PEX26: variants seen among roughly 807,000 people sequenced by gnomAD.
PEX26 encodes peroxisomal biogenesis factor 26.
PEX26 carries 18 observed loss-of-function variants against 31.4 expected under a neutral mutation model. The ratio of observed to expected loss-of-function variants is 0.57; its 90% CI spans 0.40 to 0.85. The LOEUF (loss-of-function observed/expected upper bound fraction) is 0.85. PEX26 is among the 40% of genes least tolerant of loss of function. The pLI is 0.00. For synonymous variants in PEX26, 176 were observed against 166.9 expected, an observed-to-expected ratio of 1.05 and a Z score of -0.42; for missense variants, 377 against 383.9, an observed-to-expected ratio of 0.98 and a Z score of 0.15.
At position 18,097,503 on chromosome 22, in the gene PEX26, T is replaced by C. The variant is rs1927332216; in HGVS notation, c.*9428T>C. 2 of 152,178 alleles carry C rather than the reference T, an allele frequency of 1.3e-5. No individual in the cohort carries two copies. Among genetic ancestry groups the C allele is most frequent in the African/African-American group, 4.8e-5 (2 of 41,430 alleles). The allele number at this position is 152,178 out of a possible 1,614,324, so 9.4% of individuals were successfully genotyped here. A position where few individuals can be genotyped will look rare whatever the true frequency, so the allele number is the denominator to read the frequency against. ...TGGTCTTGATCTCCTGACCTCGTGATCCACTTGCCTCGGTCTCCCAAAGTG... is the reference window on the plus strand; with the variant it reads ...TGGTCTTGATCTCCTGACCTCGTGACCCACTTGCCTCGGTCTCCCAAAGTG... On this transcript the variant is annotated 3_prime_UTR_variant, in exon 5 of 5. Coordinates refer to ENST00000399744, the MANE Select transcript of PEX26 (RefSeq NM_001127649.3).
chr22:18,092,188 A>G lies in PEX26; in HGVS notation c.*4113A>G, dbSNP rs1476842778. 2.6e-5 allele frequency: 4 copies of G among 152,254 alleles called. No individual in the cohort carries two copies. The highest frequency in any genetic ancestry group is 5.9e-5 in the Non-Finnish European group (4 of 68,054). 9.4% of individuals were successfully genotyped at this position (152,254 alleles called of 1,614,324 possible). ...ACATCCACAGATGGGGCCTGTGGGA[A>G]TTCTACTGATTTACTCTCTGGCCTA... On this transcript the variant is annotated 3_prime_UTR_variant, in exon 5 of 5. Transcript: ENST00000399744.
intron 2 of PEX26, among the ~76,000 whole-genome samples, chr22:18,080,354 G>T (rs1029224027): frequency 6.6e-6 from 1 of 151,936 alleles, no homozygotes; most frequent in Non-Finnish European, 1.5e-5. Context: ...TTTTGAGACG[G>T]AGTCTCGCCC....
chr22:18,082,747 G>A (rs906613701), intron 2 of PEX26, among the ~76,000 whole-genome samples: 9 of 152,130 alleles, frequency 5.9e-5, no homozygotes, highest in Admixed American at 5.9e-4. Flanking sequence ...GAATGCCATT[G>A]GTGTTTTGAT....
At position 18,092,827 on chromosome 22, in the gene PEX26, G is replaced by GT. The variant is rs201156104; in HGVS notation, c.*4752_*4753insT. 2.7e-3 allele frequency: 294 copies of GT among 108,690 alleles called. 4 individuals carry two copies. The highest frequency in any genetic ancestry group is 9.8e-3 in the African/African-American group (283 of 28,966). The allele number at this position is 108,690 out of a possible 1,614,324, so 6.7% of individuals were successfully genotyped here. On this transcript the variant is annotated 3_prime_UTR_variant, in exon 5 of 5. Coordinates refer to ENST00000399744, the MANE Select transcript of PEX26 (RefSeq NM_001127649.3). The stretch of plus-strand genomic sequence containing the variant: ...TGGGACCCCATTTCTTTTTTTTGGG[G>GT]GGGGGGTGGGTTATAAAAGCCCTTT...
intron 2 of PEX26, among the ~76,000 whole-genome samples, chr22:18,081,257 C>CGTGTGTGTATATATAT (rs1926585226): frequency 6.7e-6 from 1 of 149,278 alleles, no homozygotes; most frequent in Non-Finnish European, 1.5e-5. Flanking sequence ...CACACACACA[C>CGTGTGTGTATATATAT]ACACACACAC....
intron 3 of PEX26, among the ~76,000 whole-genome samples, 171 bp downstream of exon 3, chr22:18,083,903 C>A (rs769440398): frequency 7.2e-5 from 11 of 152,186 alleles, no homozygotes; most frequent in Non-Finnish European, 1.0e-4. Flanking sequence ...AAGGCCAGAC[C>A]CTCTGAAGTT....
Position 18,078,337 on chromosome 22 carries a change from T to G in PEX26, c.-40T>G. On this transcript the variant is annotated 5_prime_UTR_variant, in exon 1 of 5. Transcript: ENST00000399744. ...CCGGAGCCTCTGGGGAGGCGGTCAC[T>G]CCGACGTCTGAGGACCTGGGCCTTG... 6 of 1,466,482 alleles carry G rather than the reference T, an allele frequency of 4.1e-6. No homozygotes were observed. The highest frequency in any genetic ancestry group is 5.7e-6 in the Non-Finnish European group (6 of 1,059,518). The allele number at this position is 1,466,482 out of a possible 1,614,324, so 90.8% of individuals were successfully genotyped here.
At chr22:18,081,185 G>GTA (rs1179647940) in intron 2 of PEX26, among the ~76,000 whole-genome samples, 8 of 146,944 alleles carry the variant, frequency 5.4e-5, no homozygotes, top group South Asian at 2.2e-4. Flanking sequence ...ATGCGTGTGT[G>GTA]TATATATATA....
chr22:18,087,366 T>C (rs1172796544), intron 4 of PEX26, among the ~76,000 whole-genome samples: 1 of 152,224 alleles, frequency 6.6e-6, no homozygotes, highest in Non-Finnish European at 1.5e-5. Flanking sequence ...CAAGCCATCA[T>C]GCCTGGCCAG....
At chr22:18,087,635 T>C (rs562048496) in intron 4 of PEX26, among the ~76,000 whole-genome samples, 1 of 152,314 alleles carries the variant, frequency 6.6e-6, no homozygotes, top group Non-Finnish European at 1.5e-5. Context: ...CATGAGGACA[T>C]TTGAGCCTGC....
chr22:18,079,308 A>T, intron 1 of PEX26: 2 of 817,128 alleles, frequency 2.4e-6, no homozygotes, highest in Non-Finnish European at 3.0e-6. Context: ...CACGCTAGGG[A>T]GGTGGTAGGT....
At chr22:18,081,105 A>T (rs1926564212) in intron 2 of PEX26, among the ~76,000 whole-genome samples, 1 of 146,972 alleles carries the variant, frequency 6.8e-6, no homozygotes, top group Non-Finnish European at 1.5e-5. Flanking sequence ...CTGTGTTGTC[A>T]TGAATGACAA....
At chr22:18,087,618 G>A (rs1379937232) in intron 4 of PEX26, among the ~76,000 whole-genome samples, 1 of 152,176 alleles carries the variant, frequency 6.6e-6, no homozygotes. Context: ...TCTCCTAGTG[G>A]GGATGGCATG....
intron 2 of PEX26, among the ~76,000 whole-genome samples, chr22:18,081,150 A>G (rs1316169854): frequency 1.8e-4 from 1 of 5,588 alleles, no homozygotes; most frequent in Admixed American, 2.1e-3. Flanking sequence ...ATAGTATTCC[A>G]TTATATATAT....
rs1036476895 is a variant in PEX26, at chr22:18,097,211, T to G, written c.*9136T>G. 3 of 151,712 alleles carry G rather than the reference T, an allele frequency of 2.0e-5. No individual in the cohort carries two copies. The highest frequency in any genetic ancestry group is 2.9e-5 in the Non-Finnish European group (2 of 68,010). 9.4% of individuals were successfully genotyped at this position (151,712 alleles called of 1,614,324 possible). On this transcript the variant is annotated 3_prime_UTR_variant, in exon 5 of 5. Coordinates refer to ENST00000399744, the MANE Select transcript of PEX26 (RefSeq NM_001127649.3). ...GAGCCAAACCATATCACCTCCCATC[T>G]CTTCATTTAGCAAGTTCACCTACCC...
rs1241826479 is a variant in PEX26, at chr22:18,088,295, C to T, written c.*220C>T. 1 of 673,824 alleles carries T rather than the reference C, an allele frequency of 1.5e-6. No individual in the cohort carries two copies. The highest frequency in any genetic ancestry group is 2.7e-6 in the Non-Finnish European group (1 of 364,718). The allele number at this position is 673,824 out of a possible 1,614,324, so 41.7% of individuals were successfully genotyped here. A position where few individuals can be genotyped will look rare whatever the true frequency, so the allele number is the denominator to read the frequency against. On this transcript the variant is annotated 3_prime_UTR_variant, in exon 5 of 5. Coordinates refer to ENST00000399744, the MANE Select transcript of PEX26 (RefSeq NM_001127649.3). The surrounding 1 kb of genome is among the most constrained non-coding windows in gnomAD (Gnocchi z 4.1). Reference sequence around the variant, plus strand: ...AAAGCAGGACCAGCAGGCACAGCACCTCCAGAACAGTGCCCCGGATGACCA... The same window carrying T: ...AAAGCAGGACCAGCAGGCACAGCACTTCCAGAACAGTGCCCCGGATGACCA...
chr22:18,090,785 A>C lies in PEX26; in HGVS notation c.*2710A>C, dbSNP rs1297682475. On this transcript the variant is annotated 3_prime_UTR_variant, in exon 5 of 5. Transcript: ENST00000399744. Reference sequence around the variant, plus strand: ...GTGGTGGGATGGGAGGGTGGGGGAGAGGGGTGGAATGGAGAGGAAACAGGC... The same window carrying C: ...GTGGTGGGATGGGAGGGTGGGGGAGCGGGGTGGAATGGAGAGGAAACAGGC... 8.5e-6 allele frequency: 1 copy of C among 117,232 alleles called. No homozygotes were observed. Among genetic ancestry groups the C allele is most frequent in the Non-Finnish European group, 1.7e-5 (1 of 57,286 alleles). The allele number at this position is 117,232 out of a possible 1,614,324, so 7.3% of individuals were successfully genotyped here. A position where few individuals can be genotyped will look rare whatever the true frequency, so the allele number is the denominator to read the frequency against.
intron 4 of PEX26, among the ~76,000 whole-genome samples, chr22:18,086,526 C>T (rs1034505659): frequency 2.0e-5 from 3 of 152,116 alleles, no homozygotes; most frequent in Non-Finnish European, 1.5e-5. Context: ...GGTGATTATT[C>T]TGTTTTCTGC....
chr22:18,081,245 T>TACAC (rs59081749), intron 2 of PEX26, among the ~76,000 whole-genome samples: 9,922 of 137,994 alleles, frequency 0.072, 796 homozygotes, highest in African/African-American at 0.2. Flanking sequence ...TGTACACATA[T>TACAC]ACACACACAC....
Sources: gnomAD v4.1 joint callset for allele counts (sites outside exome capture counted in the v4.1 genomes callset) on GRCh38, gnomAD v4.1.1 for gene constraint, Gnocchi (gnomAD v3.1) non-coding constraint, MANE v1.5 for transcripts, NCBI Gene and HGNC (gene_info 2026-07-23, HGNC 2026-07-21) for gene names.